Variants in IMPA2 observed in about 807,000 individuals in gnomAD.
The protein encoded by IMPA2 is IMP 2.
IMPA2 carries 32 observed loss-of-function variants against 35.1 expected under a neutral mutation model. That is an observed-to-expected ratio of 0.91 (90% CI 0.69 to 1.23). The LOEUF (loss-of-function observed/expected upper bound fraction) is 1.23, where lower values mean the gene tolerates loss of function less well. IMPA2 is among the 50% of genes most tolerant of loss of function. The pLI is 0.00. For missense variants in IMPA2, 334 were observed against 387.6 expected (o/e 0.86, Z 1.16); for synonymous variants, 135 against 160.6 (o/e 0.84, Z 1.20).
chr18:11,995,662 G>T (rs633140), intron 1 of IMPA2, among the ~76,000 whole-genome samples: 11,601 of 152,142 alleles, frequency 0.076, 1,315 homozygotes, highest in African/African-American at 0.25. Flanking sequence ...TGGCTGTGCC[G>T]GGAGAGTGGG....
At chr18:11,986,343 C>T (rs556054873) in intron 1 of IMPA2, among the ~76,000 whole-genome samples, 42 of 152,240 alleles carry the variant, frequency 2.8e-4, no homozygotes, top group African/African-American at 9.6e-4. Context: ...CTCCAGAGCC[C>T]GGCTCCTGAG....
intron 5 of IMPA2, among the ~76,000 whole-genome samples, chr18:12,015,987 T>C (rs1907567155): frequency 6.6e-6 from 1 of 152,170 alleles, no homozygotes; most frequent in African/African-American, 2.4e-5. Context: ...CCAACTCCAC[T>C]AGGGCAAGGG....
chr18:12,014,910 C>A (rs1052033660), intron 5 of IMPA2, among the ~76,000 whole-genome samples: 6 of 152,192 alleles, frequency 3.9e-5, no homozygotes, highest in Non-Finnish European at 7.3e-5. Flanking sequence ...CAGGGTCATC[C>A]AGTGGCTCTG....
chr18:11,992,539 A>G (rs1387898286), intron 1 of IMPA2, among the ~76,000 whole-genome samples: 6 of 152,190 alleles, frequency 3.9e-5, no homozygotes, highest in Non-Finnish European at 1.5e-5. Context: ...AAGCTGGTTG[A>G]TGGTGACCTT....
intron 1 of IMPA2, among the ~76,000 whole-genome samples, chr18:11,989,061 G>A (rs965682066): frequency 1.3e-5 from 2 of 152,094 alleles, no homozygotes; most frequent in African/African-American, 2.4e-5. Context: ...CCAAGCTGAC[G>A]GCAGAGATGC....
At chr18:12,029,112 T>TTG in intron 7 of IMPA2, 119 bp downstream of exon 7, 5 of 677,668 alleles carry the variant, frequency 7.4e-6, no homozygotes, top group Non-Finnish European at 6.4e-6. Flanking sequence ...GTTTCTGTTT[T>TTG]TTTTTTTTTT....
rs1908021067 is a variant in IMPA2, at chr18:12,030,533, CCACGCTCCATGCCAGTGGCT to C, written c.*83_*102del. On this transcript the variant is annotated 3_prime_UTR_variant, in exon 8 of 8. Coordinates refer to ENST00000269159, the MANE Select transcript of IMPA2 (RefSeq NM_014214.3). ...CTCCTGGGGAGGTGGCCCTCGTGGC[CCACGCTCCATGCCAGTGGCT>C]CACGCTCTGCTCCTGGCTACCCCAG... is the stretch of plus-strand genomic sequence containing the variant. 8.5e-7 allele frequency: 1 copy of C among 1,177,224 alleles called. No individual in the cohort carries two copies. The highest frequency in any genetic ancestry group is 2.0e-4 in the Middle Eastern group (1 of 5,086). The allele number at this position is 1,177,224 out of a possible 1,614,324, so 72.9% of individuals were successfully genotyped here. A position where few individuals can be genotyped will look rare whatever the true frequency, so the allele number is the denominator to read the frequency against.
intron 2 of IMPA2, among the ~76,000 whole-genome samples, chr18:12,006,098 C>T (rs1225727750): frequency 6.6e-6 from 1 of 152,176 alleles, no homozygotes; most frequent in African/African-American, 2.4e-5. Flanking sequence ...AGTCACATAG[C>T]TACAGAAGAC....
chr18:11,992,942 A>T (rs538895149), intron 1 of IMPA2, among the ~76,000 whole-genome samples: 1 of 152,262 alleles, frequency 6.6e-6, no homozygotes, highest in African/African-American at 2.4e-5. Context: ...CGTGAATTAA[A>T]CTTTTCTTAA....
intron 1 of IMPA2, among the ~76,000 whole-genome samples, chr18:11,987,574 A>T (rs893851534): frequency 1.3e-5 from 2 of 151,844 alleles, no homozygotes; most frequent in Non-Finnish European, 2.9e-5. Context: ...CAAGTGGTCC[A>T]CCCGCCTTGG....
chr18:12,008,417 G>A (rs775843233), intron 2 of IMPA2: 1 of 516,792 alleles, frequency 1.9e-6, no homozygotes, highest in East Asian at 5.5e-5. Context: ...GTCATGCACA[G>A]AACAGATGTT....
intron 1 of IMPA2, among the ~76,000 whole-genome samples, chr18:11,986,406 C>G (rs1440157224): frequency 6.6e-6 from 1 of 152,156 alleles, no homozygotes; most frequent in African/African-American, 2.4e-5. Context: ...TTTCCAGTGC[C>G]CCACCTGGTC....
At chr18:11,997,063 AACACACACTTACAGGTACACAACAGAG>A (rs1041879577) in intron 1 of IMPA2, among the ~76,000 whole-genome samples, 2 of 152,106 alleles carry the variant, frequency 1.3e-5, no homozygotes, top group African/African-American at 2.4e-5. Flanking sequence ...ATACCACATG[AACACACACTTACAGGTACACAACAGAG>A]ACACACACAC....
intron 4 of IMPA2, among the ~76,000 whole-genome samples, chr18:12,013,230 C>T (rs944180889): frequency 6.6e-6 from 1 of 152,128 alleles, no homozygotes; most frequent in Non-Finnish European, 1.5e-5. Flanking sequence ...GGGCTCCTCC[C>T]CATGGGAGTG....
intron 2 of IMPA2, among the ~76,000 whole-genome samples, chr18:12,009,063 C>T (rs975687013): frequency 1.3e-5 from 2 of 152,158 alleles, no homozygotes; most frequent in Non-Finnish European, 2.9e-5. Context: ...TGCTTGCTCC[C>T]AGAGGGAAGC....
intron 1 of IMPA2, among the ~76,000 whole-genome samples, chr18:11,989,578 G>A (rs1388955342): frequency 6.6e-6 from 1 of 152,206 alleles, no homozygotes; most frequent in African/African-American, 2.4e-5. Flanking sequence ...GACCCTATCT[G>A]AGAGGTCCCT....
chr18:12,025,602 C>T (rs1023264155), intron 5 of IMPA2, among the ~76,000 whole-genome samples: 5 of 152,156 alleles, frequency 3.3e-5, no homozygotes, highest in East Asian at 1.9e-4. Flanking sequence ...TGTTTTGAGA[C>T]GGAGGCTCAC....
intron 6 of IMPA2, 22 bp from the exon 7 acceptor site, chr18:12,028,820 G>T: frequency 6.2e-7 from 1 of 1,611,524 alleles, no homozygotes; most frequent in African/African-American, 1.3e-5. Context: ...GCCTGCATCT[G>T]TCCTCCCTTC....
chr18:12,012,568 C>G (rs1907465654), intron 4 of IMPA2, among the ~76,000 whole-genome samples: 1 of 152,190 alleles, frequency 6.6e-6, no homozygotes, highest in African/African-American at 2.4e-5. Flanking sequence ...AAAAGGAGCA[C>G]TTAGTTTTGG....
Sources: gnomAD v4.1 joint callset for allele counts (sites outside exome capture counted in the v4.1 genomes callset) on GRCh38, gnomAD v4.1.1 for gene constraint, MANE v1.5 for transcripts, NCBI Gene and HGNC (gene_info 2026-07-23, HGNC 2026-07-21) for gene names.